SLC45A4: variants seen among roughly 807,000 people sequenced by gnomAD.
SLC45A4 encodes polyamine-transporter SLC45A4.
A neutral mutation model predicts 63.7 loss-of-function variants in SLC45A4; 32 were observed. That is an observed-to-expected ratio of 0.50 (90% confidence interval 0.38 to 0.67). SLC45A4 has a LOEUF of 0.67. Among genes scored for constraint, SLC45A4 ranks in the 30% least tolerant of loss-of-function variants. The pLI, the probability that SLC45A4 is intolerant of heterozygous loss-of-function variation, is 0.00. For missense variants in SLC45A4, 1,027 were observed against 1,157.7 expected (o/e 0.89, Z 1.64); for synonymous variants, 535 against 510.0 (o/e 1.05, Z -0.66).
chr8:141,243,432 C>A (rs1462327858), intron 2 of SLC45A4, among the ~76,000 whole-genome samples: 1 of 152,196 alleles, frequency 6.6e-6, no homozygotes, highest in Non-Finnish European at 1.5e-5. Context: ...AAAACAAAAC[C>A]ACTTGCCATC....
At chr8:141,301,762 A>AAAAAAAAAAAAC in intron 1 of SLC45A4, among the ~76,000 whole-genome samples, 1 of 126,674 alleles carries the variant, frequency 7.9e-6, no homozygotes, top group Admixed American at 8.3e-5. Flanking sequence ...AAAAAAAAAA[A>AAAAAAAAAAAAC]TCCTGGGCAA....
chr8:141,294,970 A>C (rs1830490953), intron 1 of SLC45A4, among the ~76,000 whole-genome samples: 1 of 152,154 alleles, frequency 6.6e-6, no homozygotes, highest in South Asian at 2.1e-4. Context: ...GAGCATTCAC[A>C]CCCGGCAGAG....
chr8:141,243,823 T>G (rs948099952), intron 2 of SLC45A4, among the ~76,000 whole-genome samples: 1 of 152,182 alleles, frequency 6.6e-6, no homozygotes, highest in Non-Finnish European at 1.5e-5. Context: ...TTCCACATAA[T>G]GAATAGGAAA....
chr8:141,286,156 C>T (rs2154615187), intron 1 of SLC45A4, among the ~76,000 whole-genome samples: 1 of 152,334 alleles, frequency 6.6e-6, no homozygotes, highest in South Asian at 2.1e-4. Flanking sequence ...CAAGGGGAGA[C>T]AGGCCTGGCT....
intron 1 of SLC45A4, among the ~76,000 whole-genome samples, chr8:141,282,003 T>C (rs1232698381): frequency 6.6e-6 from 1 of 152,148 alleles, no homozygotes; most frequent in African/African-American, 2.4e-5. Context: ...GACGCATGGT[T>C]GGCAAGGACA....
chr8:141,246,683 T>A (rs1249501802), intron 2 of SLC45A4, among the ~76,000 whole-genome samples: 1 of 50,744 alleles, frequency 2.0e-5, no homozygotes, highest in Admixed American at 2.1e-4. Flanking sequence ...CTCAGGGGTC[T>A]CTTAGAGCCT....
intron 2 of SLC45A4, among the ~76,000 whole-genome samples, chr8:141,236,656 C>A (rs1472552674): frequency 6.6e-6 from 1 of 152,186 alleles, no homozygotes; most frequent in Non-Finnish European, 1.5e-5. Context: ...CTGGTGGACA[C>A]CTTGTATACT....
At position 141,221,781 on chromosome 8, in the gene SLC45A4, G is replaced by A; in HGVS notation, c.242-16C>T. On this transcript the variant is annotated splice_polypyrimidine_tract_variant and intron_variant, in intron 2 of 8. Coordinates refer to ENST00000517878, the MANE Select transcript of SLC45A4 (RefSeq NM_001286646.2). ...TCCGGAAGGCCTGCAAGGGACACGA[G>A]GGCCGTCGCACACGCAGGCACTGGC... The A allele has an allele frequency of 6.2e-7, 1 of 1,607,642 alleles. No individual in the cohort carries two copies. Among genetic ancestry groups the A allele is most frequent in the Middle Eastern group, 1.7e-4 (1 of 5,848 alleles).
intron 2 of SLC45A4, among the ~76,000 whole-genome samples, chr8:141,235,817 G>T (rs527360795): frequency 8.5e-5 from 13 of 152,296 alleles, no homozygotes; most frequent in African/African-American, 3.1e-4. Flanking sequence ...AAACATCAGA[G>T]TTGGCCAGGC....
intron 1 of SLC45A4, among the ~76,000 whole-genome samples, chr8:141,266,937 T>C (rs1408674516): frequency 6.6e-6 from 1 of 152,242 alleles, no homozygotes; most frequent in Admixed American, 6.5e-5. Context: ...ATTAATTTTC[T>C]AACAATTTGT....
rs572815092 is a variant in SLC45A4, at chr8:141,254,161, C to G, written c.69G>C (p.Pro23=). 10 of 1,536,134 alleles carry G rather than the reference C, an allele frequency of 6.5e-6. No homozygotes were observed. Among genetic ancestry groups the G allele is most frequent in the Non-Finnish European group, 8.7e-6 (10 of 1,146,898 alleles). The stretch of plus-strand genomic sequence containing the variant: ...CTGCGCCTCCGGCTTTCTGCGGGTC[C>G]GGCAGGGGCACGGATAACTCTTGAA... ...MQVQELSVPL[P]DPQKAGGAEA... is the part of the protein sequence containing the mutation. Residue 23 remains proline, a synonymous_variant, in exon 2 of 9, where the codon CCG becomes CCC. Transcript: ENST00000517878. The surrounding 1 kb of genome is among the most constrained non-coding windows in gnomAD (Gnocchi z 4.5).
At chr8:141,294,147 G>A (rs548836230) in intron 1 of SLC45A4, among the ~76,000 whole-genome samples, 7 of 152,212 alleles carry the variant, frequency 4.6e-5, no homozygotes, top group East Asian at 1.9e-4. Flanking sequence ...CAGGGTCTCC[G>A]TGGACCAGGG....
Position 141,211,163 on chromosome 8 carries a change from C to A in SLC45A4, c.*409G>T. On this transcript the variant is annotated 3_prime_UTR_variant, in exon 9 of 9. Transcript: ENST00000517878. Reference sequence around the variant, plus strand: ...TTGCGGCGGGACTTGGGAGGCAGGGCCCGCTGGGAGCTCTGCTCTCAGGAA... The same window carrying A: ...TTGCGGCGGGACTTGGGAGGCAGGGACCGCTGGGAGCTCTGCTCTCAGGAA... 1 of 335,402 alleles carries A rather than the reference C, an allele frequency of 3.0e-6. No homozygotes were observed. The highest frequency in any genetic ancestry group is 4.6e-5 in the East Asian group (1 of 21,648). The allele number at this position is 335,402 out of a possible 1,614,324, so 20.8% of individuals were successfully genotyped here.
intron 1 of SLC45A4, among the ~76,000 whole-genome samples, chr8:141,286,429 G>C (rs1830148212): frequency 6.6e-6 from 1 of 152,194 alleles, no homozygotes; most frequent in Non-Finnish European, 1.5e-5. Flanking sequence ...GCCTGCCAAT[G>C]TATCTTCCTG....
chr8:141,235,121 G>C (rs1827555373), intron 2 of SLC45A4, among the ~76,000 whole-genome samples: 1 of 152,170 alleles, frequency 6.6e-6, no homozygotes, highest in East Asian at 1.9e-4. Flanking sequence ...CCATGGCTTG[G>C]CTTGTTAAGG....
At chr8:141,247,819 A>G (rs1335172749) in intron 2 of SLC45A4, among the ~76,000 whole-genome samples, 2 of 152,228 alleles carry the variant, frequency 1.3e-5, no homozygotes, top group South Asian at 4.1e-4. Flanking sequence ...GATCAATGGA[A>G]CAGAATAGTG....
Position 141,253,826 on chromosome 8 carries a change from C to T in SLC45A4, c.241+163G>A, listed in dbSNP as rs534338240. ...CCCAAACCTGGCTGAAAACAGGAGA[C>T]GAAAACCACCATCAGGGCAGGCTGA... On this transcript the variant is annotated intron_variant, in intron 2 of 8. Coordinates refer to ENST00000517878, the MANE Select transcript of SLC45A4 (RefSeq NM_001286646.2). 7.2e-5 allele frequency among the ~76,000 whole-genome samples: 11 copies of T among 152,314 alleles called. No homozygotes were observed. The East Asian group carries it at 1.5e-3, about 21-fold the overall frequency.
intron 1 of SLC45A4, among the ~76,000 whole-genome samples, chr8:141,274,865 G>A (rs1355438079): frequency 6.6e-6 from 1 of 152,216 alleles, no homozygotes; most frequent in African/African-American, 2.4e-5. Context: ...CTACTTCCTC[G>A]TGGATCCCTT....
At position 141,210,458 on chromosome 8, in the gene SLC45A4, G is replaced by A. The variant is rs1185116206; in HGVS notation, c.*1114C>T. ...GAAAGTCAGCCCTCTGCGATCCTGG[G>A]ACACCGTGGCCTGGCAGACACACCG... is the stretch of plus-strand genomic sequence containing the variant. On this transcript the variant is annotated 3_prime_UTR_variant, in exon 9 of 9. Coordinates refer to ENST00000517878, the MANE Select transcript of SLC45A4 (RefSeq NM_001286646.2). 2 of 152,214 alleles carry A rather than the reference G, an allele frequency of 1.3e-5. No homozygotes were observed. Among genetic ancestry groups the A allele is most frequent in the Non-Finnish European group, 2.9e-5 (2 of 68,048 alleles). 9.4% of individuals were successfully genotyped at this position (152,214 alleles called of 1,614,324 possible).
Sources: gnomAD v4.1 joint callset for allele counts (sites outside exome capture counted in the v4.1 genomes callset) on GRCh38, gnomAD v4.1.1 for gene constraint, Gnocchi (gnomAD v3.1) non-coding constraint, MANE v1.5 for transcripts, NCBI Gene and HGNC (gene_info 2026-07-23, HGNC 2026-07-21) for gene names.